Variants in KIF1B observed in about 807,000 individuals in gnomAD.
KIF1B encodes kinesin-like protein KIF1B.
A neutral mutation model predicts 241.9 loss-of-function variants in KIF1B; 76 were observed. The ratio of observed to expected loss-of-function variants is 0.31; its 90% CI spans 0.26 to 0.38. KIF1B has a LOEUF of 0.38. KIF1B is among the 10% of genes least tolerant of loss of function. The probability of loss-of-function intolerance (pLI) is 1.00; values close to 1 mark genes in which losing one functional copy is unlikely to be tolerated. For missense variants in KIF1B, 1,622 were observed against 2,271.4 expected (o/e 0.71, Z 5.81); for synonymous variants, 750 against 796.7 (o/e 0.94, Z 0.99).
chr1:10,241,859 G>T (rs1316235497), intron 2 of KIF1B, among the ~76,000 whole-genome samples: 2 of 152,124 alleles, frequency 1.3e-5, no homozygotes, highest in Non-Finnish European at 2.9e-5. Context: ...TAGTTGCCTA[G>T]TGAAGTGCGA....
chr1:10,214,215 A>G (rs776630428), intron 1 of KIF1B, among the ~76,000 whole-genome samples: 14 of 152,008 alleles, frequency 9.2e-5, no homozygotes, highest in Non-Finnish European at 1.6e-4. Flanking sequence ...GGCATTACCC[A>G]TTAACTGAGG....
chr1:10,231,256 CTG>C lies in KIF1B; in HGVS notation c.-79-992_-79-991del, dbSNP rs200989730. ...AAAACCCAGAAGTTAAAGGAAATCA[CTG>C]TATAGTTAAACGAATTGACTAGAAA... On this transcript the variant is annotated intron_variant, in intron 1 of 48. Coordinates refer to ENST00000676179, the MANE Select transcript of KIF1B (RefSeq NM_001365951.3). Among the ~76,000 whole-genome samples, 1,219 of 152,148 alleles carry C rather than the reference CTG, an allele frequency of 8.0e-3. 13 individuals carry two copies. Among genetic ancestry groups the C allele is most frequent in the African/African-American group, 0.028 (1,155 of 41,532 alleles).
At chr1:10,297,551 G>C (rs1472762606) in intron 22 of KIF1B, among the ~76,000 whole-genome samples, 1 of 152,094 alleles carries the variant, frequency 6.6e-6, no homozygotes, top group Non-Finnish European at 1.5e-5. Flanking sequence ...TAGTGGTTTT[G>C]GAATTTGCTT....
chr1:10,254,831 C>A (rs192353477), intron 2 of KIF1B, among the ~76,000 whole-genome samples: 1 of 132,680 alleles, frequency 7.5e-6, no homozygotes, highest in African/African-American at 2.9e-5. Flanking sequence ...GAGCCGAGAT[C>A]GTGCCACTCC....
At chr1:10,261,836 A>C in intron 4 of KIF1B, 69 bp from the exon 5 acceptor site, 1 of 927,360 alleles carries the variant, frequency 1.1e-6, no homozygotes, top group Non-Finnish European at 1.8e-6. Flanking sequence ...TAATTCATTG[A>C]GCACGCGTGG....
At chr1:10,328,675 A>G (rs1031396740) in intron 27 of KIF1B, among the ~76,000 whole-genome samples, 1 of 152,204 alleles carries the variant, frequency 6.6e-6, no homozygotes, top group African/African-American at 2.4e-5. Flanking sequence ...ACAGTTTCTA[A>G]AACTGTTCGC....
At chr1:10,246,527 C>T (rs1459888733) in intron 2 of KIF1B, among the ~76,000 whole-genome samples, 4 of 152,100 alleles carry the variant, frequency 2.6e-5, no homozygotes, top group Non-Finnish European at 4.4e-5. Context: ...GGGCGGATCA[C>T]GAGGTCAAGA....
intron 14 of KIF1B, among the ~76,000 whole-genome samples, 162 bp from the exon 15 acceptor site, chr1:10,282,160 A>G (rs938009496): frequency 3.3e-5 from 5 of 152,236 alleles, no homozygotes; most frequent in Non-Finnish European, 7.3e-5. Context: ...TAGAACTGCC[A>G]TCTAGAACAG....
chr1:10,216,328 A>G (rs191652521), intron 1 of KIF1B, among the ~76,000 whole-genome samples: 1 of 152,334 alleles, frequency 6.6e-6, no homozygotes, highest in East Asian at 1.9e-4. Context: ...GATAATTGAT[A>G]GCTTTCACTT....
At chr1:10,316,329 T>C (rs1651303797) in intron 22 of KIF1B, among the ~76,000 whole-genome samples, 1 of 151,650 alleles carries the variant, frequency 6.6e-6, no homozygotes, top group Non-Finnish European at 1.5e-5. Flanking sequence ...CTATTATCAA[T>C]AATGTTAAAG....
rs1229593074 is a variant in KIF1B, at chr1:10,380,024, A to G, written c.*3437A>G. 4.4e-6 allele frequency: 1 copy of G among 229,394 alleles called. No individual in the cohort carries two copies. Among genetic ancestry groups the G allele is most frequent in the Non-Finnish European group, 8.7e-6 (1 of 115,428 alleles). 14.2% of individuals were successfully genotyped at this position (229,394 alleles called of 1,614,324 possible). A position where few individuals can be genotyped will look rare whatever the true frequency, so the allele number is the denominator to read the frequency against. Reference sequence around the variant, plus strand: ...TTTTCCCTTCAGTCACATAGACTTCAGACAACTCTCCTATTTTTTATGGAT... The same window carrying G: ...TTTTCCCTTCAGTCACATAGACTTCGGACAACTCTCCTATTTTTTATGGAT... On this transcript the variant is annotated 3_prime_UTR_variant, in exon 49 of 49. Transcript: ENST00000676179.
At chr1:10,329,982 A>G (rs551033057) in intron 27 of KIF1B, among the ~76,000 whole-genome samples, 357 of 152,324 alleles carry the variant, frequency 2.3e-3, no homozygotes, top group Non-Finnish European at 4.0e-3. Context: ...AAGTACCTTA[A>G]CTGACATTCT....
At chr1:10,320,771 C>T (rs920854713) in intron 23 of KIF1B, among the ~76,000 whole-genome samples, 6 of 151,362 alleles carry the variant, frequency 4.0e-5, no homozygotes, top group Non-Finnish European at 7.4e-5. Flanking sequence ...TTGTCGCCCA[C>T]GCTGGAGTGC....
At chr1:10,232,196 C>T in intron 1 of KIF1B, 54 bp from the exon 2 acceptor site, 2 of 665,130 alleles carry the variant, frequency 3.0e-6, no homozygotes, top group Non-Finnish European at 5.4e-6. Flanking sequence ...CTTAAGTTAG[C>T]CAGTTCTTGC....
At chr1:10,233,951 T>C (rs1647015701) in intron 2 of KIF1B, among the ~76,000 whole-genome samples, 1 of 151,844 alleles carries the variant, frequency 6.6e-6, no homozygotes, top group Non-Finnish European at 1.5e-5. Flanking sequence ...CAAGTTTTGG[T>C]TTCCTCAACT....
chr1:10,259,503 A>T (rs1181334403), intron 4 of KIF1B, among the ~76,000 whole-genome samples: 4 of 147,210 alleles, frequency 2.7e-5, no homozygotes, highest in Non-Finnish European at 6.0e-5. Flanking sequence ...AAAAAAAAAA[A>T]AATTTTTTTT....
chr1:10,320,151 C>T lies in KIF1B; in HGVS notation c.2209+15C>T, dbSNP rs756129944. ...AGAGGAAGAAGGTGAAATCTAGAGA[C>T]CGAAAGTTTCCTGTGTATATCTTTT... is the stretch of plus-strand genomic sequence containing the variant. On this transcript the variant is annotated intron_variant, in intron 23 of 48. Coordinates refer to ENST00000676179, the MANE Select transcript of KIF1B (RefSeq NM_001365951.3). 2 of 1,536,096 alleles carry T rather than the reference C, an allele frequency of 1.3e-6. No homozygotes were observed. Among genetic ancestry groups the T allele is most frequent in the Non-Finnish European group, 1.8e-6 (2 of 1,110,108 alleles).
At chr1:10,311,389 A>G (rs1264634381) in intron 22 of KIF1B, among the ~76,000 whole-genome samples, 1 of 151,014 alleles carries the variant, frequency 6.6e-6, no homozygotes, top group Admixed American at 6.6e-5. Context: ...TTGTATTTTT[A>G]GTAGAGACGG....
intron 32 of KIF1B, 71 bp from the exon 33 acceptor site, chr1:10,341,979 G>T (rs1347813825): frequency 9.6e-6 from 9 of 934,588 alleles, no homozygotes; most frequent in Non-Finnish European, 1.0e-5. Context: ...CCCAAAATAC[G>T]TACTAAAGTT....
Sources: allele counts gnomAD v4.1 joint callset (sites outside exome capture counted in the v4.1 genomes callset), GRCh38; gene constraint gnomAD v4.1.1; transcripts MANE v1.5; gene names NCBI Gene and HGNC (gene_info 2026-07-23, HGNC 2026-07-21).